Variants in SPAG16 observed in about 807,000 individuals in gnomAD.
SPAG16 encodes the protein sperm associated antigen 16.
A neutral mutation model predicts 80.4 loss-of-function variants in SPAG16; 86 were observed. The observed-to-expected ratio is 1.07, with a 90% CI of 0.90 to 1.28. The LOEUF (loss-of-function observed/expected upper bound fraction) is 1.28. Among genes scored for constraint, SPAG16 ranks in the 50% most tolerant of loss-of-function variants. The pLI, the probability that SPAG16 is intolerant of heterozygous loss-of-function variation, is 0.00. For missense variants in SPAG16, 870 were observed against 765.3 expected, an observed-to-expected ratio of 1.14 and a Z score of -1.61; for synonymous variants, 294 against 265.9, an observed-to-expected ratio of 1.11 and a Z score of -1.03.
At chr2:213,360,894 A>T (rs2065942981) in intron 7 of SPAG16, among the ~76,000 whole-genome samples, 1 of 152,200 alleles carries the variant, frequency 6.6e-6, no homozygotes, top group African/African-American at 2.4e-5. Context: ...AAACTTTAGG[A>T]TGTGAGTTAA....
chr2:214,077,190 A>G (rs189961787), intron 13 of SPAG16, among the ~76,000 whole-genome samples: 11 of 152,266 alleles, frequency 7.2e-5, no homozygotes, highest in African/African-American at 2.6e-4. Flanking sequence ...AGGCAACCAC[A>G]ACCTCCGGGT....
intron 9 of SPAG16, among the ~76,000 whole-genome samples, chr2:213,465,996 TA>T (rs2072670166): frequency 6.6e-6 from 1 of 152,192 alleles, no homozygotes; most frequent in South Asian, 2.1e-4. Context: ...CACAATCTAA[TA>T]AGCTGCCAGC....
intron 8 of SPAG16, among the ~76,000 whole-genome samples, chr2:213,366,229 G>C (rs1420825657): frequency 6.6e-6 from 1 of 150,716 alleles, no homozygotes; most frequent in Non-Finnish European, 1.5e-5. Context: ...CCAAAGAAGA[G>C]AATGAAAATG....
At chr2:213,424,812 G>A (rs1168999065) in intron 9 of SPAG16, among the ~76,000 whole-genome samples, 3 of 152,130 alleles carry the variant, frequency 2.0e-5, no homozygotes, top group Non-Finnish European at 2.9e-5. Context: ...CAGGAGTCTT[G>A]TTCTTCTCCT....
At chr2:213,912,199 C>T (rs2077707739) in intron 11 of SPAG16, among the ~76,000 whole-genome samples, 2 of 152,032 alleles carry the variant, frequency 1.3e-5, no homozygotes, top group Admixed American at 6.6e-5. Flanking sequence ...AGTTAATGTA[C>T]ACTTGAAAAT....
chr2:213,564,148 C>G (rs1331892174), intron 10 of SPAG16, among the ~76,000 whole-genome samples: 1 of 152,034 alleles, frequency 6.6e-6, no homozygotes, highest in Non-Finnish European at 1.5e-5. Context: ...TTTGCTCTTG[C>G]TGATATTTCA....
intron 12 of SPAG16, among the ~76,000 whole-genome samples, chr2:214,003,992 T>G (rs2046914233): frequency 6.6e-6 from 1 of 152,186 alleles, no homozygotes; most frequent in African/African-American, 2.4e-5. Context: ...CCACCCTGTT[T>G]ATAGTATGAG....
intron 9 of SPAG16, among the ~76,000 whole-genome samples, chr2:213,399,485 T>A (rs1256179906): frequency 6.6e-6 from 1 of 152,070 alleles, no homozygotes; most frequent in Non-Finnish European, 1.5e-5. Flanking sequence ...TTTTAAAATG[T>A]AAACATTCTC....
chr2:213,567,195 C>A (rs1422133558), intron 10 of SPAG16, among the ~76,000 whole-genome samples: 4 of 142,460 alleles, frequency 2.8e-5, no homozygotes, highest in Admixed American at 7.1e-5. Flanking sequence ...TGACTTATCC[C>A]TGAAATTTTA....
chr2:213,417,244 G>T (rs959690734), intron 9 of SPAG16, among the ~76,000 whole-genome samples: 2 of 152,094 alleles, frequency 1.3e-5, no homozygotes, highest in African/African-American at 4.8e-5. Context: ...AATATTTTGG[G>T]TATAGCCATA....
At chr2:214,071,060 T>C (rs1167116169) in intron 13 of SPAG16, among the ~76,000 whole-genome samples, 2 of 152,150 alleles carry the variant, frequency 1.3e-5, no homozygotes, top group Admixed American at 1.3e-4. Flanking sequence ...GCACCAGTAC[T>C]GGAAACTAGG....
chr2:214,049,301 G>T (rs1235180661), intron 13 of SPAG16, among the ~76,000 whole-genome samples: 1 of 152,142 alleles, frequency 6.6e-6, no homozygotes, highest in Non-Finnish European at 1.5e-5. Context: ...ATGAACCGAA[G>T]CACCTCTCCT....
chr2:213,768,611 A>G (rs1023077352), intron 10 of SPAG16, among the ~76,000 whole-genome samples: 1 of 152,228 alleles, frequency 6.6e-6, no homozygotes. Flanking sequence ...ATTTGTTCCA[A>G]AATGGAACAA....
At chr2:213,387,546 C>T (rs1216626705) in intron 9 of SPAG16, among the ~76,000 whole-genome samples, 1 of 67,428 alleles carries the variant, frequency 1.5e-5, no homozygotes, top group Non-Finnish European at 2.6e-5. Flanking sequence ...GCTCCGCCTC[C>T]CGGGTTCACG....
chr2:213,548,732 A>G (rs1647847092), intron 10 of SPAG16, among the ~76,000 whole-genome samples: 1 of 151,956 alleles, frequency 6.6e-6, no homozygotes, highest in Non-Finnish European at 1.5e-5. Context: ...CCTTTTTTGT[A>G]TGAGATAATT....
intron 9 of SPAG16, among the ~76,000 whole-genome samples, chr2:213,431,452 T>C (rs969159919): frequency 2.7e-5 from 4 of 148,904 alleles, no homozygotes; most frequent in African/African-American, 9.9e-5. Flanking sequence ...CAAGCAGGAG[T>C]AGCTATACTT....
chr2:213,310,046 G>T lies in SPAG16; in HGVS notation c.280-13G>T. ...ATGTTTTCAGAATAAATAAATGCAC[G>T]TTTAAATTTCAGGAACGGAAAACAG... On this transcript the variant is annotated splice_polypyrimidine_tract_variant and intron_variant, in intron 3 of 15. Transcript: ENST00000331683. The T allele has an allele frequency of 6.5e-7, 1 of 1,531,368 alleles. No individual in the cohort carries two copies. 94.9% of individuals were successfully genotyped at this position (1,531,368 alleles called of 1,614,324 possible). A position where few individuals can be genotyped will look rare whatever the true frequency, so the allele number is the denominator to read the frequency against.
chr2:213,652,326 A>T (rs7599738), intron 10 of SPAG16, among the ~76,000 whole-genome samples: 62,759 of 151,836 alleles, frequency 0.41, 13,539 homozygotes, highest in Middle Eastern at 0.51. Flanking sequence ...TTGTTTTTTT[A>T]ATGAATATTC....
chr2:213,963,100 T>C (rs2044537571), intron 12 of SPAG16, among the ~76,000 whole-genome samples: 2 of 151,016 alleles, frequency 1.3e-5, no homozygotes. Flanking sequence ...GCTCTTTTTT[T>C]TTTTTTTTAA....
Sources: gnomAD v4.1 joint callset for allele counts (sites outside exome capture counted in the v4.1 genomes callset) on GRCh38, gnomAD v4.1.1 for gene constraint, MANE v1.5 for transcripts, NCBI Gene and HGNC (gene_info 2026-07-23, HGNC 2026-07-21) for gene names.